The following CILK1 variants were observed in gnomAD, a reference collection of about 807,000 sequenced individuals.
The protein encoded by CILK1 is serine/threonine-protein kinase ICK.
In CILK1, 47 loss-of-function variants were observed where a neutral mutation model predicts 79.2. The observed-to-expected ratio is 0.59, with a 90% CI of 0.47 to 0.76. CILK1 has a LOEUF of 0.76. Among genes scored for constraint, CILK1 ranks in the 30% least tolerant of loss-of-function variants. The pLI is 0.00. For missense variants in CILK1, 660 were observed against 769.5 expected, an observed-to-expected ratio of 0.86 and a Z score of 1.68; for synonymous variants, 266 against 275.9, an observed-to-expected ratio of 0.96 and a Z score of 0.36.
intron 5 of CILK1, among the ~76,000 whole-genome samples, chr6:53,026,189 G>C (rs1194512157): frequency 6.6e-6 from 1 of 152,172 alleles, no homozygotes; most frequent in Non-Finnish European, 1.5e-5. Context: ...TTTTGAGACA[G>C]AGTCTCACTC....
At chr6:53,059,079 C>T (rs1383546765) in intron 1 of CILK1, among the ~76,000 whole-genome samples, 1 of 152,138 alleles carries the variant, frequency 6.6e-6, no homozygotes, top group African/African-American at 2.4e-5. Flanking sequence ...GCATGGTTAC[C>T]CTGGTTCTCT....
intron 12 of CILK1, among the ~76,000 whole-genome samples, chr6:53,007,299 G>A (rs1581936501): frequency 6.6e-6 from 1 of 152,226 alleles, no homozygotes; most frequent in South Asian, 2.1e-4. Flanking sequence ...GAATGCCTGC[G>A]TGAGGAGTTG....
At chr6:53,035,677 C>T (rs527942484) in intron 3 of CILK1, among the ~76,000 whole-genome samples, 10 of 152,214 alleles carry the variant, frequency 6.6e-5, no homozygotes, top group African/African-American at 1.9e-4. Flanking sequence ...GGAACAGTGG[C>T]GTGGTGAGTA....
intron 1 of CILK1, chr6:53,052,136 A>G (rs2127466239): frequency 6.6e-6 from 1 of 152,170 alleles, no homozygotes; most frequent in East Asian, 1.9e-4. Context: ...CCTGCTTATG[A>G]GTGAGAACAT....
At chr6:53,027,896 C>T (rs1477110782) in intron 5 of CILK1, among the ~76,000 whole-genome samples, 1 of 152,102 alleles carries the variant, frequency 6.6e-6, no homozygotes, top group Non-Finnish European at 1.5e-5. Flanking sequence ...GCCTGTAATC[C>T]CAGCACTTTG....
chr6:53,034,235 G>A (rs569552086), intron 3 of CILK1, among the ~76,000 whole-genome samples: 177 of 152,300 alleles, frequency 1.2e-3, no homozygotes, highest in Non-Finnish European at 2.2e-3. Flanking sequence ...GGCAAGGAGT[G>A]GGGTGCCTCC....
chr6:53,014,249 T>A (rs1272495872), intron 8 of CILK1, among the ~76,000 whole-genome samples: 1 of 152,198 alleles, frequency 6.6e-6, no homozygotes, highest in Non-Finnish European at 1.5e-5. Context: ...GCATTCTGGA[T>A]CAACACAGAT....
chr6:53,022,144 TA>T (rs923781768), intron 5 of CILK1, among the ~76,000 whole-genome samples: 3 of 152,046 alleles, frequency 2.0e-5, no homozygotes, highest in South Asian at 2.1e-4. Flanking sequence ...GTCAAAAAGT[TA>T]AAAAAAGTAT....
chr6:53,022,586 C>T (rs908084016), intron 5 of CILK1, among the ~76,000 whole-genome samples: 8 of 152,184 alleles, frequency 5.3e-5, no homozygotes, highest in Admixed American at 5.2e-4. Flanking sequence ...TGTCTAACAA[C>T]ACATTTCTCA....
intron 2 of CILK1, 83 bp downstream of exon 2, chr6:53,041,053 C>G: frequency 1.1e-6 from 1 of 916,030 alleles, no homozygotes; most frequent in Non-Finnish European, 1.8e-6. Flanking sequence ...GCATCCTACC[C>G]ACTCCCCTTT....
intron 4 of CILK1, among the ~76,000 whole-genome samples, chr6:53,032,111 C>T (rs971290677): frequency 2.6e-5 from 4 of 152,162 alleles, no homozygotes; most frequent in East Asian, 3.8e-4. Flanking sequence ...GGATTACAGG[C>T]GTCAGCCACT....
At position 53,005,098 on chromosome 6, in the gene CILK1, G is replaced by A; in HGVS notation, c.*51C>T. On this transcript the variant is annotated 3_prime_UTR_variant, in exon 14 of 14. Transcript: ENST00000676107. ...GCAGGTAGAACACCAGTCAGCTGAG[G>A]GAAAGTATCCTGCTTCTCCCTAGGA... 6.2e-7 allele frequency: 1 copy of A among 1,608,132 alleles called. No individual in the cohort carries two copies. The highest frequency in any genetic ancestry group is 8.5e-7 in the Non-Finnish European group (1 of 1,176,024).
chr6:53,054,093 T>C (rs958417422), intron 1 of CILK1, among the ~76,000 whole-genome samples: 3 of 151,426 alleles, frequency 2.0e-5, no homozygotes, highest in African/African-American at 7.3e-5. Flanking sequence ...GCTACACACC[T>C]TTCTTTCAAG....
intron 1 of CILK1, among the ~76,000 whole-genome samples, chr6:53,054,250 C>T (rs1767689982): frequency 1.3e-5 from 2 of 152,122 alleles, no homozygotes; most frequent in Admixed American, 1.3e-4. Context: ...TCCCTTGATG[C>T]CATAGTGCCT....
At chr6:53,014,180 C>T (rs929454450) in intron 8 of CILK1, among the ~76,000 whole-genome samples, 198 bp from the exon 9 acceptor site, 1 of 152,146 alleles carries the variant, frequency 6.6e-6, no homozygotes, top group East Asian at 1.9e-4. Context: ...GATTGCAACA[C>T]AAAGTTATTT....
chr6:53,021,340 G>C lies in CILK1; in HGVS notation c.359-1981C>G, dbSNP rs561753256. Among the ~76,000 whole-genome samples the C allele has an allele frequency of 7.3e-5, 11 of 151,118 alleles. No individual in the cohort carries two copies. The East Asian group carries it at 2.1e-3, about 29-fold the overall frequency. On this transcript the variant is annotated intron_variant, in intron 5 of 13. Coordinates refer to ENST00000676107, the MANE Select transcript of CILK1 (RefSeq NM_014920.5). ...ACTTCGTTTTGGAGCGGCGCGGGGG[G>C]GTTGGGGGGGTAAATCTCATATCTG...
intron 3 of CILK1, among the ~76,000 whole-genome samples, chr6:53,034,739 T>G (rs1766195519): frequency 1.3e-5 from 2 of 151,986 alleles, no homozygotes. Context: ...ACAAAATACA[T>G]CTAATAAAAT....
intron 1 of CILK1, among the ~76,000 whole-genome samples, chr6:53,051,268 A>T (rs184499589): frequency 1.9e-3 from 291 of 152,346 alleles, no homozygotes; most frequent in African/African-American, 6.6e-3. Context: ...AACAAAAAAA[A>T]TTTTTTAAAC....
intron 5 of CILK1, 30 bp from the exon 6 acceptor site, chr6:53,019,389 A>G: frequency 6.2e-7 from 1 of 1,613,338 alleles, no homozygotes. Flanking sequence ...GAAGAAATCC[A>G]AATGCAAGTT....
Sources: allele counts gnomAD v4.1 joint callset (sites outside exome capture counted in the v4.1 genomes callset), GRCh38; gene constraint gnomAD v4.1.1; transcripts MANE v1.5; gene names NCBI Gene and HGNC (gene_info 2026-07-23, HGNC 2026-07-21).